The following ELSPBP1 variants were observed in gnomAD, a reference collection of about 807,000 sequenced individuals.
ELSPBP1 encodes the protein epididymal sperm-binding protein 1.
Under a neutral mutation model 33.3 loss-of-function variants are expected in ELSPBP1, and 38 were observed. That is an observed-to-expected ratio of 1.14 (90% CI 0.88 to 1.50). The LOEUF (loss-of-function observed/expected upper bound fraction) is 1.50, where lower values mean the gene tolerates loss of function less well. ELSPBP1 is among the 40% of genes most tolerant of loss of function. The pLI is 0.00. For missense variants in ELSPBP1, 267 were observed against 263.5 expected (o/e 1.01, Z -0.09); for synonymous variants, 85 against 94.1 (o/e 0.90, Z 0.56).
chr19:48,012,911 A>T (rs1375119133), intron 2 of ELSPBP1, among the ~76,000 whole-genome samples: 1 of 152,230 alleles, frequency 6.6e-6, no homozygotes, highest in Non-Finnish European at 1.5e-5. Flanking sequence ...CTGTACTATG[A>T]AAACAAAATC....
At chr19:48,015,682 A>G (rs1410297242) in intron 3 of ELSPBP1, among the ~76,000 whole-genome samples, 1 of 152,152 alleles carries the variant, frequency 6.6e-6, no homozygotes, top group Non-Finnish European at 1.5e-5. Context: ...AAAAGAAAAG[A>G]AACTCACATA....
chr19:48,004,213 G>C (rs1481474591), intron 1 of ELSPBP1, among the ~76,000 whole-genome samples: 4 of 152,032 alleles, frequency 2.6e-5, no homozygotes, highest in African/African-American at 4.8e-5. Context: ...CAAGGTGCTG[G>C]GATTACAGGC....
intron 2 of ELSPBP1, among the ~76,000 whole-genome samples, chr19:48,012,541 T>C (rs1315183935): frequency 7.2e-5 from 11 of 152,362 alleles, no homozygotes; most frequent in African/African-American, 2.4e-4. Context: ...TTAACTTTTC[T>C]GTTGAGTCCT....
At chr19:48,009,218 G>A (rs2048395479) in intron 2 of ELSPBP1, among the ~76,000 whole-genome samples, 1 of 151,818 alleles carries the variant, frequency 6.6e-6, no homozygotes, top group Admixed American at 6.6e-5. Flanking sequence ...CTTTGGTCAA[G>A]CAACATAAGC....
chr19:48,011,880 A>C lies in ELSPBP1; in HGVS notation c.71-2291A>C, dbSNP rs1967083440. On this transcript the variant is annotated intron_variant, in intron 2 of 6. Coordinates refer to ENST00000339841, the MANE Select transcript of ELSPBP1 (RefSeq NM_022142.5). The surrounding 1 kb of genome is among the most constrained non-coding windows in gnomAD (Gnocchi z 4.5). ...CACTTTCCAGATTTAAACTGGTTTA[A>C]GTTTCACAAAAATAAATACCAAACA... Among the ~76,000 whole-genome samples the C allele has an allele frequency of 6.6e-6, 1 of 151,876 alleles. No homozygotes were observed. The highest frequency in any genetic ancestry group is 2.4e-5 in the African/African-American group (1 of 41,278).
rs1053510471 is a variant in ELSPBP1, at chr19:48,017,633, G to A, written c.355+1594G>A. Among the ~76,000 whole-genome samples, 16 of 152,274 alleles carry A rather than the reference G, an allele frequency of 1.1e-4. No individual in the cohort carries two copies. The East Asian group carries it at 1.9e-3, about 18-fold the overall frequency. On this transcript the variant is annotated intron_variant, in intron 4 of 6. Transcript: ENST00000339841. ...AGACCAGGCTCAGTGGCTCATGCCT[G>A]TAATCCCAAAAGGGATTGGGAGGCT...
At chr19:47,998,718 C>T (rs889375888) in intron 1 of ELSPBP1, among the ~76,000 whole-genome samples, 3 of 143,850 alleles carry the variant, frequency 2.1e-5, no homozygotes, top group Non-Finnish European at 4.5e-5. Flanking sequence ...ACCCGGGAGG[C>T]GGAGCTTGCA....
intron 1 of ELSPBP1, among the ~76,000 whole-genome samples, chr19:48,005,443 C>T (rs1392851871): frequency 7.9e-6 from 1 of 126,134 alleles, no homozygotes; most frequent in Non-Finnish European, 1.8e-5. Flanking sequence ...GAGACAGGGA[C>T]AGCAGATCTA....
intron 4 of ELSPBP1, among the ~76,000 whole-genome samples, chr19:48,018,746 CA>C (rs1967167197): frequency 6.6e-6 from 1 of 152,102 alleles, no homozygotes; most frequent in Non-Finnish European, 1.5e-5. Flanking sequence ...CTGAAAACCC[CA>C]ACCCCTTAGT....
chr19:48,014,991 C>T (rs1967116514), intron 3 of ELSPBP1, among the ~76,000 whole-genome samples: 1 of 152,144 alleles, frequency 6.6e-6, no homozygotes, highest in Non-Finnish European at 1.5e-5. Flanking sequence ...GGCGAGGTGG[C>T]TCATGCCTGT....
chr19:47,996,795 T>A (rs1966916347), intron 1 of ELSPBP1, among the ~76,000 whole-genome samples: 1 of 152,114 alleles, frequency 6.6e-6, no homozygotes, highest in African/African-American at 2.4e-5. Flanking sequence ...TGAAAGCCAA[T>A]AAATAACAAA....
At chr19:48,002,724 G>A (rs1225911715) in intron 1 of ELSPBP1, among the ~76,000 whole-genome samples, 3 of 152,182 alleles carry the variant, frequency 2.0e-5, no homozygotes, top group South Asian at 2.1e-4. Flanking sequence ...CCGGGGAGGC[G>A]GAGGTTGCAG....
intron 1 of ELSPBP1, among the ~76,000 whole-genome samples, chr19:48,007,363 GCCTCAGTTT>G (rs1457063213): frequency 3.9e-5 from 6 of 152,160 alleles, no homozygotes. Flanking sequence ...AACCTCCCAA[GCCTCAGTTT>G]CCCTTTTCTG....
intron 1 of ELSPBP1, among the ~76,000 whole-genome samples, chr19:48,000,637 G>A (rs531733327): frequency 1.3e-5 from 2 of 152,100 alleles, no homozygotes; most frequent in Admixed American, 6.6e-5. Flanking sequence ...GCAGAAATTC[G>A]TATACAGGCT....
chr19:48,005,701 C>T (rs897608252), intron 1 of ELSPBP1, among the ~76,000 whole-genome samples: 2 of 152,064 alleles, frequency 1.3e-5, no homozygotes, highest in Non-Finnish European at 2.9e-5. Context: ...AGCACATGTC[C>T]GGTCCCATGT....
At chr19:47,999,387 C>CTTTTTTTTT (rs397937280) in intron 1 of ELSPBP1, among the ~76,000 whole-genome samples, 3 of 129,972 alleles carry the variant, frequency 2.3e-5, no homozygotes, top group Non-Finnish European at 3.2e-5. Context: ...AGCCTCATTT[C>CTTTTTTTTT]TTTTTTTTTT....
At chr19:48,020,013 G>A (rs1226027460) in intron 5 of ELSPBP1, 136 bp downstream of exon 5, 2 of 896,468 alleles carry the variant, frequency 2.2e-6, no homozygotes, top group Non-Finnish European at 3.3e-6. Context: ...CCGGCAGACA[G>A]AGTTCTGGCT....
chr19:48,014,202 C>T lies in ELSPBP1; in HGVS notation c.102C>T (p.Thr34=), dbSNP rs748367789. ...ATGAGGAATGTGTCTTTCCTTTCAC[C>T]TACAAGGGATCTGTTTACTTCACTT... ...GMHEECVFPF[T]YKGSVYFTCT... Residue 34 remains threonine (T), a synonymous_variant, in exon 3 of 7, where the codon ACC becomes ACT. Coordinates refer to ENST00000339841, the MANE Select transcript of ELSPBP1 (RefSeq NM_022142.5). 34 of 1,613,794 alleles carry T rather than the reference C, an allele frequency of 2.1e-5. 1 individual carries two copies. The South Asian group carries it at 2.7e-4, about 13-fold the overall frequency.
intron 1 of ELSPBP1, among the ~76,000 whole-genome samples, chr19:48,007,135 T>C (rs1353432552): frequency 6.6e-6 from 1 of 152,040 alleles, no homozygotes; most frequent in East Asian, 1.9e-4. Context: ...CCACTAACGA[T>C]CTACAAGTGA....
Sources: allele counts gnomAD v4.1 joint callset (sites outside exome capture counted in the v4.1 genomes callset), GRCh38; gene constraint gnomAD v4.1.1; non-coding constraint Gnocchi (gnomAD v3.1); transcripts MANE v1.5; gene names NCBI Gene and HGNC (gene_info 2026-07-23, HGNC 2026-07-21).